EVI5L: variants seen among roughly 807,000 people sequenced by gnomAD.
EVI5L encodes EVI5-like protein.
In EVI5L, 30 loss-of-function variants were observed where a neutral mutation model predicts 106.1. The ratio of observed to expected loss-of-function variants is 0.28; its 90% CI spans 0.21 to 0.38. The LOEUF is 0.38. Ranked by LOEUF, EVI5L falls within the 10% of genes least tolerant of loss-of-function variation. The pLI is 1.00. For missense variants in EVI5L, 809 were observed against 1,098.0 expected, an observed-to-expected ratio of 0.74 and a Z score of 3.72; for synonymous variants, 489 against 483.3, an observed-to-expected ratio of 1.01 and a Z score of -0.15.
rs375245918 is a variant in EVI5L at position 7,849,016 on chromosome 19, C to T, written c.423C>T (p.Ser141=). The change falls in exon 4 of 20, where the codon TCC becomes TCT. Residue 141 remains serine (S), a synonymous_variant. Coordinates refer to ENST00000538904, the MANE Select transcript of EVI5L (RefSeq NM_001159944.3). The part of the protein sequence containing the change: ...ATDMPVKNQY[S]ELLKMSSPCE... ...ACATGCCCGTCAAGAACCAGTACTCCGAGCTGCTCAAGATGTCCTCGCCGT... is the reference window on the plus strand; with the variant it reads ...ACATGCCCGTCAAGAACCAGTACTCTGAGCTGCTCAAGATGTCCTCGCCGT... 3.1e-6 allele frequency: 5 copies of T among 1,613,530 alleles called. No homozygotes were observed. The East Asian group carries it at 6.7e-5, about 22-fold the overall frequency.
chr19:7,862,905 G>A (rs1307736475), intron 17 of EVI5L, 67 bp from the exon 18 acceptor site: 2 of 1,153,774 alleles, frequency 1.7e-6, no homozygotes, highest in African/African-American at 3.3e-5. Flanking sequence ...CCCTGCCCGC[G>A]GTCCCGCCCC....
intron 1 of EVI5L, among the ~76,000 whole-genome samples, chr19:7,833,966 G>T (rs1335032817): frequency 6.6e-6 from 1 of 152,206 alleles, no homozygotes; most frequent in Non-Finnish European, 1.5e-5. Context: ...ACCCTTTTGA[G>T]GGAGATTTGG....
At position 7,858,274 on chromosome 19, in the gene EVI5L, G is replaced by A. The variant is rs371666747; in HGVS notation, c.1317G>A (p.Ser439=). 54 of 1,552,616 alleles carry A rather than the reference G, an allele frequency of 3.5e-5. No individual in the cohort carries two copies. In the East Asian group the frequency reaches 6.8e-4, roughly 19 times the overall value. The part of the protein sequence containing the change: ...ELAVVRQQCS[S]AAEDLQKAQS... Reference sequence around the variant, plus strand: ...CGGTGGTGCGGCAGCAGTGCAGCTCGGCGGCCGAGGACCTGCAGAAGGCAC... The same window carrying A: ...CGGTGGTGCGGCAGCAGTGCAGCTCAGCGGCCGAGGACCTGCAGAAGGCAC... Residue 439 remains serine (S), a synonymous_variant, in exon 13 of 20, where the codon TCG becomes TCA. Coordinates refer to ENST00000538904, the MANE Select transcript of EVI5L (RefSeq NM_001159944.3). This position sits in a 1 kb window ranked among gnomAD's most constrained non-coding sequence, Gnocchi z 5.7.
At chr19:7,853,595 A>G (rs974436360) in intron 10 of EVI5L, 1 of 563,594 alleles carries the variant, frequency 1.8e-6, no homozygotes, top group South Asian at 2.0e-5. Context: ...TGGGGAAGCA[A>G]TCAATAAACC....
intron 13 of EVI5L, among the ~76,000 whole-genome samples, chr19:7,860,024 G>A (rs1228377622): frequency 6.6e-6 from 1 of 152,224 alleles, no homozygotes; most frequent in Non-Finnish European, 1.5e-5. Flanking sequence ...AGGTGGCAGT[G>A]TCCATCACTC....
chr19:7,862,402 C>A lies in EVI5L; in HGVS notation c.1815C>A (p.Arg605=). 6.2e-7 allele frequency: 1 copy of A among 1,606,552 alleles called. No individual in the cohort carries two copies. The highest frequency in any genetic ancestry group is 8.5e-7 in the Non-Finnish European group (1 of 1,176,632). The change falls in exon 17 of 20, where the codon CGC becomes CGA. Residue 605 remains arginine, a synonymous_variant. Coordinates refer to ENST00000538904, the MANE Select transcript of EVI5L (RefSeq NM_001159944.3). ...VELETQDHIH[R]NLLNRVEAER... ...CCCTATCCCAGGACCACATCCACCG[C>A]AACCTTCTGAACCGCGTGGAGGCGG... is the stretch of plus-strand genomic sequence containing the variant.
At position 7,845,681 on chromosome 19, in the gene EVI5L, A is replaced by G. The variant is rs1424359264; in HGVS notation, c.-47-815A>G. Reference sequence around the variant, plus strand: ...TTTGAGCCCAGTACCTTTGTTTTTGACATGGCATTGATCTGCCTCCACCAG... The same window carrying G: ...TTTGAGCCCAGTACCTTTGTTTTTGGCATGGCATTGATCTGCCTCCACCAG... On this transcript the variant is annotated intron_variant, in intron 1 of 19. Transcript: ENST00000538904. The surrounding 1 kb of genome is among the most constrained non-coding windows in gnomAD (Gnocchi z 4.0). 6.6e-6 allele frequency among the ~76,000 whole-genome samples: 1 copy of G among 152,144 alleles called. No homozygotes were observed. Among genetic ancestry groups the G allele is most frequent in the Non-Finnish European group, 1.5e-5 (1 of 68,030 alleles).
rs1029128302 is a variant in EVI5L at position 7,851,351 on chromosome 19, G to A, written c.754-83G>A. 72 of 1,513,276 alleles carry A rather than the reference G, an allele frequency of 4.8e-5. 1 individual carries two copies. The highest frequency in any genetic ancestry group is 2.7e-4 in the Admixed American group (14 of 51,276). The allele number at this position is 1,513,276 out of a possible 1,614,324, so 93.7% of individuals were successfully genotyped here. A position where few individuals can be genotyped will look rare whatever the true frequency, so the allele number is the denominator to read the frequency against. ...CAGCGCAGGTCCAGGAAGGCTCCCT[G>A]GAGGCGGGGACACTGAGGCCCAGCA... is the stretch of plus-strand genomic sequence containing the variant. On this transcript the variant is annotated intron_variant, in intron 6 of 19. Transcript: ENST00000538904.
intron 1 of EVI5L, among the ~76,000 whole-genome samples, chr19:7,832,078 C>T (rs918437664): frequency 1.3e-5 from 2 of 152,226 alleles, no homozygotes; most frequent in African/African-American, 4.8e-5. Context: ...ACCCGTGTCC[C>T]TGTGTCTTTC....
rs1979511494 is a variant in EVI5L, at chr19:7,856,138, T to TA, written c.1200+72dup. ...GACCCACCATGCGGGGCATGGCCGCTAACCTGGGGTGGACTCCTCCAAGTC... is the reference window on the plus strand; with the variant it reads ...GACCCACCATGCGGGGCATGGCCGCTAAACCTGGGGTGGACTCCTCCAAGTC... On this transcript the variant is annotated intron_variant, in intron 11 of 19. Coordinates refer to ENST00000538904, the MANE Select transcript of EVI5L (RefSeq NM_001159944.3). This position sits in a 1 kb window ranked among gnomAD's most constrained non-coding sequence, Gnocchi z 6.6. The TA allele has an allele frequency of 7.8e-7, 1 of 1,282,678 alleles. No individual in the cohort carries two copies. Among genetic ancestry groups the TA allele is most frequent in the African/African-American group, 1.5e-5 (1 of 65,728 alleles). 79.5% of individuals were successfully genotyped at this position (1,282,678 alleles called of 1,614,324 possible). A position where few individuals can be genotyped will look rare whatever the true frequency, so the allele number is the denominator to read the frequency against.
At chr19:7,834,350 T>A (rs961873638) in intron 1 of EVI5L, among the ~76,000 whole-genome samples, 18 of 152,064 alleles carry the variant, frequency 1.2e-4, no homozygotes, top group Non-Finnish European at 1.9e-4. Context: ...ATTTTAAAAA[T>A]TTTTAAAAAA....
Position 7,860,541 on chromosome 19 carries a change from C to A in EVI5L, c.1375-20C>A. ...CCCAGCCATGGCCTGGGGCCCCACG[C>A]AGCTCTCTGCCTCCCCCAGGAGAAC... On this transcript the variant is annotated intron_variant, in intron 13 of 19. Coordinates refer to ENST00000538904, the MANE Select transcript of EVI5L (RefSeq NM_001159944.3). 6.4e-7 allele frequency: 1 copy of A among 1,563,246 alleles called. No homozygotes were observed. The highest frequency in any genetic ancestry group is 8.6e-7 in the Non-Finnish European group (1 of 1,156,532).
Position 7,858,005 on chromosome 19 carries a change from T to C in EVI5L, c.1234-186T>C. 1 of 646,666 alleles carries C rather than the reference T, an allele frequency of 1.5e-6. No homozygotes were observed. Among genetic ancestry groups the C allele is most frequent in the South Asian group, 2.0e-5 (1 of 51,272 alleles). The allele number at this position is 646,666 out of a possible 1,614,324, so 40.1% of individuals were successfully genotyped here. A position where few individuals can be genotyped will look rare whatever the true frequency, so the allele number is the denominator to read the frequency against. ...CGGGCTCCTCCAGGTGTCCTATTCC[T>C]GCCTGTCACCCACCCACGTCCCCAG... On this transcript the variant is annotated intron_variant, in intron 12 of 19. Coordinates refer to ENST00000538904, the MANE Select transcript of EVI5L (RefSeq NM_001159944.3). This position sits in a 1 kb window ranked among gnomAD's most constrained non-coding sequence, Gnocchi z 5.7.
rs1458300955 is a variant in EVI5L, at chr19:7,862,515, A to G, written c.1928A>G (p.Gln643Arg). The change falls in exon 17 of 20, where the codon CAG becomes CGG. Residue 643 changes from glutamine (Q) to arginine (R), a missense_variant. Gln to Arg is a conservative substitution (Grantham distance 43). Around this residue, in one of 2 missense-constraint regions of EVI5L, gnomAD observed 452 missense variants for 509.9 expected, o/e 0.89. Coordinates refer to ENST00000538904, the MANE Select transcript of EVI5L (RefSeq NM_001159944.3). ...QTQLSESRRK[Q>R]AEAECKSKEE... ...CAGCTCAGCGAAAGCCGCCGCAAGC[A>G]GGCCGAGGCCGAGTGCAAGGTGCAG... 1 of 1,545,372 alleles carries G rather than the reference A, an allele frequency of 6.5e-7. No homozygotes were observed. The highest frequency in any genetic ancestry group is 8.7e-7 in the Non-Finnish European group (1 of 1,145,416).
chr19:7,858,025 C>T lies in EVI5L; in HGVS notation c.1234-166C>T, dbSNP rs896615472. ...ATTCCTGCCTGTCACCCACCCACGT[C>T]CCCAGGCCCAGTGGGACGCTCATCC... is the stretch of plus-strand genomic sequence containing the variant. On this transcript the variant is annotated intron_variant, in intron 12 of 19. Transcript: ENST00000538904. The surrounding 1 kb of genome is among the most constrained non-coding windows in gnomAD (Gnocchi z 5.7). The T allele has an allele frequency of 5.3e-6, 4 of 748,344 alleles. No homozygotes were observed. Among genetic ancestry groups the T allele is most frequent in the African/African-American group, 1.8e-5 (1 of 56,434 alleles). 46.4% of individuals were successfully genotyped at this position (748,344 alleles called of 1,614,324 possible). A position where few individuals can be genotyped will look rare whatever the true frequency, so the allele number is the denominator to read the frequency against.
chr19:7,842,397 TGTGA>T lies in EVI5L; in HGVS notation c.-47-4095_-47-4092del, dbSNP rs1453391311. 4.7e-3 allele frequency among the ~76,000 whole-genome samples: 105 copies of T among 22,406 alleles called. No individual in the cohort carries two copies. In the Middle Eastern group the frequency reaches 0.048, roughly 10 times the overall value. The allele number at this position is 22,406 out of a possible 152,430, so 14.7% of individuals were successfully genotyped here. On this transcript the variant is annotated intron_variant, in intron 1 of 19. Coordinates refer to ENST00000538904, the MANE Select transcript of EVI5L (RefSeq NM_001159944.3). Reference sequence around the variant, plus strand: ...GCATGTGTGTGCATGTCTGTGAGAATGTGAGTGTGTGTGTATCAAGTGTGTGCAT... The same window carrying T: ...GCATGTGTGTGCATGTCTGTGAGAATGTGTGTGTGTATCAAGTGTGTGCAT...
rs980351536 is a variant in EVI5L, at chr19:7,861,789, G to A, written c.1504-89G>A. On this transcript the variant is annotated intron_variant, in intron 14 of 19. Transcript: ENST00000538904. ...TCTGAGCCGCCCAAGGCAGAGCTCA[G>A]GAGGAAACGTGGCTGGGGGCGTTTG... The A allele has an allele frequency of 4.1e-5, 61 of 1,506,072 alleles. No individual in the cohort carries two copies. In the African/African-American group the frequency reaches 7.2e-4, roughly 18 times the overall value. 93.3% of individuals were successfully genotyped at this position (1,506,072 alleles called of 1,614,324 possible). A position where few individuals can be genotyped will look rare whatever the true frequency, so the allele number is the denominator to read the frequency against.
rs529668279 is a variant in EVI5L, at chr19:7,853,460, C to G, written c.1146+127C>G. On this transcript the variant is annotated intron_variant, in intron 10 of 19. Coordinates refer to ENST00000538904, the MANE Select transcript of EVI5L (RefSeq NM_001159944.3). ...CACAGGCGGACCCGGCGGTCCTTGG[C>G]GGACAGGCCTCCGCCCACCTGCGCC... The G allele has an allele frequency of 2.2e-4, 283 of 1,301,222 alleles. No homozygotes were observed. In the South Asian group the frequency reaches 3.5e-3, roughly 16 times the overall value. 80.6% of individuals were successfully genotyped at this position (1,301,222 alleles called of 1,614,324 possible). A position where few individuals can be genotyped will look rare whatever the true frequency, so the allele number is the denominator to read the frequency against.
In EVI5L at chr19:7,832,435, T is replaced by C. The variant is rs538528699; in HGVS notation, c.-48+2054T>C. Among the ~76,000 whole-genome samples the C allele has an allele frequency of 2.6e-3, 390 of 152,176 alleles. 3 individuals carry two copies. The highest frequency in any genetic ancestry group is 4.5e-3 in the Non-Finnish European group (304 of 68,028). ...ATATTCACTAGCGGATTGTGGACCA[T>C]CCAGGAAAAAGCTCATTGCGGCTCA... is the stretch of plus-strand genomic sequence containing the variant. On this transcript the variant is annotated intron_variant, in intron 1 of 19. Transcript: ENST00000538904.
Sources: allele counts gnomAD v4.1 joint callset (sites outside exome capture counted in the v4.1 genomes callset), GRCh38; gene constraint gnomAD v4.1.1; regional missense constraint gnomAD v4.1.1; non-coding constraint Gnocchi (gnomAD v3.1); transcripts MANE v1.5; gene names NCBI Gene and HGNC (gene_info 2026-07-23, HGNC 2026-07-21).